ROBO2: variants seen among roughly 807,000 people sequenced by gnomAD.
ROBO2 encodes the protein roundabout guidance receptor 2.
ROBO2 carries 53 observed loss-of-function variants against 160.8 expected under a neutral mutation model. The ratio of observed to expected loss-of-function variants is 0.33; its 90% CI spans 0.26 to 0.41. The LOEUF (loss-of-function observed/expected upper bound fraction) is 0.41. Among genes scored for constraint, ROBO2 ranks in the 10% least tolerant of loss-of-function variants. The pLI is 1.00. For missense variants in ROBO2, 1,577 were observed against 1,722.4 expected, an observed-to-expected ratio of 0.92 and a Z score of 1.49; for synonymous variants, 664 against 611.7, an observed-to-expected ratio of 1.09 and a Z score of -1.26.
chr3:76,605,579 T>C (rs951048041), intron 2 of ROBO2, among the ~76,000 whole-genome samples: 6 of 152,112 alleles, frequency 3.9e-5, no homozygotes, highest in East Asian at 1.9e-4. Flanking sequence ...AATTTTTCCA[T>C]AGGAAAGTTG....
chr3:77,182,316 G>T (rs975067459), intron 2 of ROBO2, among the ~76,000 whole-genome samples: 1 of 152,050 alleles, frequency 6.6e-6, no homozygotes, highest in Non-Finnish European at 1.5e-5. Flanking sequence ...CATACTTGGG[G>T]TTAAGCTGGG....
chr3:76,353,326 T>C (rs1218228737), intron 2 of ROBO2, among the ~76,000 whole-genome samples: 1 of 151,964 alleles, frequency 6.6e-6, no homozygotes, highest in African/African-American at 2.4e-5. Context: ...TAAGTGCTAA[T>C]CATAAGTTGG....
intron 12 of ROBO2, among the ~76,000 whole-genome samples, chr3:77,567,474 G>T (rs187792099): frequency 6.6e-6 from 1 of 151,742 alleles, no homozygotes; most frequent in African/African-American, 2.4e-5. Context: ...TTAATGGACC[G>T]AGAATATAAA....
chr3:77,239,453 G>A (rs2088620368), intron 2 of ROBO2, among the ~76,000 whole-genome samples: 1 of 152,180 alleles, frequency 6.6e-6, no homozygotes, highest in Non-Finnish European at 1.5e-5. Flanking sequence ...GTGAGCAGCA[G>A]CAAGATTTAT....
intron 2 of ROBO2, among the ~76,000 whole-genome samples, chr3:76,064,079 A>G (rs190558520): frequency 2.2e-4 from 34 of 152,314 alleles, no homozygotes; most frequent in Non-Finnish European, 4.0e-4. Context: ...GAATTCTGCC[A>G]TCAATCAGCA....
chr3:76,523,982 G>A (rs555272561), intron 2 of ROBO2, among the ~76,000 whole-genome samples: 1 of 121,466 alleles, frequency 8.2e-6, no homozygotes, highest in African/African-American at 2.6e-5. Context: ...GTGTGTGTGT[G>A]TGTATGTGTG....
intron 2 of ROBO2, among the ~76,000 whole-genome samples, chr3:76,978,938 G>GT (rs372115904): frequency 0.025 from 3,285 of 132,200 alleles, 117 homozygotes; most frequent in Admixed American, 0.079. Flanking sequence ...TTGTTTGTTT[G>GT]TTTTTTAAAA....
intron 2 of ROBO2, among the ~76,000 whole-genome samples, chr3:76,883,873 G>C (rs567729626): frequency 1.3e-5 from 2 of 152,188 alleles, no homozygotes; most frequent in Non-Finnish European, 2.9e-5. Context: ...AATTATTCAA[G>C]TTGAAGCTAT....
chr3:76,420,139 A>C (rs2075930456), intron 2 of ROBO2, among the ~76,000 whole-genome samples: 1 of 152,104 alleles, frequency 6.6e-6, no homozygotes, highest in South Asian at 2.1e-4. Context: ...TCACCCACTT[A>C]TTATTTGGCC....
At chr3:77,481,730 G>A (rs998055802) in intron 4 of ROBO2, among the ~76,000 whole-genome samples, 3 of 152,124 alleles carry the variant, frequency 2.0e-5, no homozygotes, top group Non-Finnish European at 4.4e-5. Flanking sequence ...CCTAAAATGA[G>A]ATATTTTGTT....
rs534628545 is a variant in ROBO2, at chr3:77,263,197, A to G, written c.388+164857A>G. Among the ~76,000 whole-genome samples, 24 of 152,330 alleles carry G rather than the reference A, an allele frequency of 1.6e-4. No individual in the cohort carries two copies. In the South Asian group the frequency reaches 4.1e-3, roughly 26 times the overall value. ...ACATTTCAAATAGACATGACTTCAG[A>G]GAGGCAAAGCTAAAATTTAAGCCAT... On this transcript the variant is annotated intron_variant, in intron 2 of 25. Coordinates refer to ENST00000461745, the Ensembl canonical transcript of ROBO2.
At chr3:77,599,489 G>T (rs1303257896) in intron 19 of ROBO2, among the ~76,000 whole-genome samples, 2 of 126,922 alleles carry the variant, frequency 1.6e-5, no homozygotes, top group Admixed American at 8.9e-5. Context: ...ACACACCGGG[G>T]CCTGTTGTGG....
intron 2 of ROBO2, among the ~76,000 whole-genome samples, chr3:76,738,080 G>C (rs764102610): frequency 2.1e-4 from 32 of 152,064 alleles, no homozygotes; most frequent in Non-Finnish European, 1.2e-4. Context: ...GCTGCAGTGA[G>C]CCGTGATCGC....
At chr3:76,217,541 G>A (rs779271280) in intron 2 of ROBO2, among the ~76,000 whole-genome samples, 15 of 152,214 alleles carry the variant, frequency 9.9e-5, no homozygotes, top group South Asian at 6.2e-4. Context: ...AAACCTCTAC[G>A]CAAATAAACT....
chr3:77,262,678 GA>G (rs974967002), intron 2 of ROBO2, among the ~76,000 whole-genome samples: 1 of 151,876 alleles, frequency 6.6e-6, no homozygotes, highest in Non-Finnish European at 1.5e-5. Flanking sequence ...AAGCTTCCCA[GA>G]AAAAAATAAT....
chr3:76,365,931 A>C (rs571376056), intron 2 of ROBO2, among the ~76,000 whole-genome samples: 1 of 152,016 alleles, frequency 6.6e-6, no homozygotes, highest in Non-Finnish European at 1.5e-5. Context: ...GTGATGGCTT[A>C]TATTCCCGAG....
At chr3:77,435,352 T>C (rs1317655217) in intron 2 of ROBO2, among the ~76,000 whole-genome samples, 1 of 152,042 alleles carries the variant, frequency 6.6e-6, no homozygotes, top group East Asian at 1.9e-4. Flanking sequence ...TTTTATTTCA[T>C]ATCATATTTT....
chr3:76,891,889 T>A (rs62261846), intron 2 of ROBO2, among the ~76,000 whole-genome samples: 19,874 of 152,142 alleles, frequency 0.13, 1,765 homozygotes, highest in Admixed American at 0.23. Flanking sequence ...TGGAGAATTT[T>A]GGTGTAAAGT....
chr3:76,270,570 G>T (rs1207324019), intron 2 of ROBO2, among the ~76,000 whole-genome samples: 3 of 151,932 alleles, frequency 2.0e-5, no homozygotes, highest in Non-Finnish European at 4.4e-5. Context: ...ACTACTCATT[G>T]TTCTGGATGC....
Sources: allele counts gnomAD v4.1 joint callset (sites outside exome capture counted in the v4.1 genomes callset), GRCh38; gene constraint gnomAD v4.1.1; transcripts MANE v1.5; gene names NCBI Gene and HGNC (gene_info 2026-07-23, HGNC 2026-07-21).